Variants in PXN observed in about 807,000 individuals in gnomAD.
The protein encoded by PXN is paxillin, also known as testicular tissue protein Li 134.
PXN carries 61 observed loss-of-function variants against 103.6 expected under a neutral mutation model. The ratio of observed to expected loss-of-function variants is 0.59; its 90% CI spans 0.48 to 0.73. The LOEUF is 0.73. Among genes scored for constraint, PXN ranks in the 30% least tolerant of loss-of-function variants. PXN has a pLI of 0.00. For synonymous variants in PXN, 562 were observed against 607.8 expected, an observed-to-expected ratio of 0.92 and a Z score of 1.11; for missense variants, 1,274 against 1,460.3, an observed-to-expected ratio of 0.87 and a Z score of 2.08.
At position 120,228,690 on chromosome 12, in the gene PXN, AGGTAGCCT is replaced by A. The variant is rs1414645436; in HGVS notation, c.14-4321_14-4314del. 6.6e-6 allele frequency among the ~76,000 whole-genome samples: 1 copy of A among 152,228 alleles called. No individual in the cohort carries two copies. Among genetic ancestry groups the A allele is most frequent in the African/African-American group, 2.4e-5 (1 of 41,458 alleles). ...CACAGCAAGCTAGTGGGAGGAACAC[AGGTAGCCT>A]GGTATCACTTGAAGGCACAACCCAA... is the stretch of plus-strand genomic sequence containing the variant. On this transcript the variant is annotated intron_variant, in intron 1 of 14. Transcript: ENST00000637617. This position sits in a 1 kb window ranked among gnomAD's most constrained non-coding sequence, Gnocchi z 4.7.
intron 1 of PXN, among the ~76,000 whole-genome samples, chr12:120,251,330 G>A (rs550399220): frequency 1.3e-3 from 197 of 149,798 alleles, no homozygotes; most frequent in Non-Finnish European, 2.2e-3. Flanking sequence ...CCAGCCTGGC[G>A]AACATGGTGA....
chr12:120,215,670 G>A lies in PXN; in HGVS notation c.2302-9C>T. The A allele has an allele frequency of 6.3e-7, 1 of 1,598,238 alleles. No individual in the cohort carries two copies. The highest frequency in any genetic ancestry group is 1.1e-5 in the South Asian group (1 of 89,212). ...TGCTCCAGGCCCTGGATCTTAGATA[G>A]GGGAAGAGATGAGGGTAAGAAATCT... On this transcript the variant is annotated splice_polypyrimidine_tract_variant and intron_variant, in intron 9 of 14. Transcript: ENST00000637617. The surrounding 1 kb of genome is among the most constrained non-coding windows in gnomAD (Gnocchi z 4.9).
Position 120,221,473 on chromosome 12 carries a change from AGCAAGGCCAGGGCATGACAGT to A in PXN, c.831+129_831+149del. 1.1e-6 allele frequency: 1 copy of A among 875,010 alleles called. No homozygotes were observed. The highest frequency in any genetic ancestry group is 1.7e-6 in the Non-Finnish European group (1 of 598,064). 54.2% of individuals were successfully genotyped at this position (875,010 alleles called of 1,614,324 possible). On this transcript the variant is annotated intron_variant, in intron 6 of 14. Transcript: ENST00000637617. The surrounding 1 kb of genome is among the most constrained non-coding windows in gnomAD (Gnocchi z 6.6). Reference sequence around the variant, plus strand: ...CTCCCTCCCCATCTCCTGGCATCACAGCAAGGCCAGGGCATGACAGTGTCCCTGGCTCAGGGGCAAGGCACC... The same window carrying A: ...CTCCCTCCCCATCTCCTGGCATCACAGTCCCTGGCTCAGGGGCAAGGCACC...
chr12:120,239,842 G>A (rs1303253027), intron 1 of PXN, among the ~76,000 whole-genome samples: 1 of 151,980 alleles, frequency 6.6e-6, no homozygotes, highest in Non-Finnish European at 1.5e-5. Flanking sequence ...CAGGATTTCT[G>A]GCTTCCCAGG....
chr12:120,242,886 A>G (rs1384590181), intron 1 of PXN, among the ~76,000 whole-genome samples: 1 of 151,766 alleles, frequency 6.6e-6, no homozygotes, highest in African/African-American at 2.4e-5. Context: ...GGCTTTAAAA[A>G]AAAAAAAAAA....
chr12:120,232,451 G>A (rs1293285957), intron 1 of PXN, among the ~76,000 whole-genome samples: 1 of 152,120 alleles, frequency 6.6e-6, no homozygotes, highest in Non-Finnish European at 1.5e-5. Context: ...TCTTTAGGTC[G>A]CCCAGAGATG....
rs368740097 is a variant in PXN at position 120,215,007 on chromosome 12, G to A, written c.2575-9C>T. The A allele has an allele frequency of 5.0e-6, 8 of 1,612,376 alleles. No individual in the cohort carries two copies. Among genetic ancestry groups the A allele is most frequent in the African/African-American group, 4.0e-5 (3 of 75,006 alleles). ...CCCATGGCGGTCACAACCTGAGGAG[G>A]AGATGGAATGCGGTCCAGGGCCAAG... is the stretch of plus-strand genomic sequence containing the variant. On this transcript the variant is annotated splice_polypyrimidine_tract_variant and intron_variant, in intron 11 of 14. Coordinates refer to ENST00000637617, the MANE Select transcript of PXN (RefSeq NM_001385981.1). The surrounding 1 kb of genome is among the most constrained non-coding windows in gnomAD (Gnocchi z 4.9).
At position 120,219,151 on chromosome 12, in the gene PXN, C is replaced by T. The variant is rs1884228709; in HGVS notation, c.1716+56G>A. 2.1e-6 allele frequency: 3 copies of T among 1,453,038 alleles called. No homozygotes were observed. The highest frequency in any genetic ancestry group is 2.8e-5 in the African/African-American group (2 of 70,736). The allele number at this position is 1,453,038 out of a possible 1,614,324, so 90.0% of individuals were successfully genotyped here. On this transcript the variant is annotated intron_variant, in intron 7 of 14. Transcript: ENST00000637617. This position sits in a 1 kb window ranked among gnomAD's most constrained non-coding sequence, Gnocchi z 6.5. ...GCTGCATGCAGTTAGCGAGGAGCGGCCCACACTCAGACCCGCCAATGGCCA... is the reference window on the plus strand; with the variant it reads ...GCTGCATGCAGTTAGCGAGGAGCGGTCCACACTCAGACCCGCCAATGGCCA...
intron 1 of PXN, among the ~76,000 whole-genome samples, chr12:120,260,103 A>G (rs941004571): frequency 6.6e-6 from 1 of 152,164 alleles, no homozygotes; most frequent in African/African-American, 2.4e-5. Context: ...GCTCTGTCTC[A>G]AGAGTAACAG....
At chr12:120,254,559 T>G (rs1892707764) in intron 1 of PXN, among the ~76,000 whole-genome samples, 2 of 152,132 alleles carry the variant, frequency 1.3e-5, no homozygotes, top group Non-Finnish European at 2.9e-5. Context: ...GTTTTTGTTT[T>G]GTTTTTTTTG....
intron 1 of PXN, among the ~76,000 whole-genome samples, chr12:120,245,435 A>G (rs908254625): frequency 2.0e-5 from 3 of 147,600 alleles, no homozygotes; most frequent in Admixed American, 1.4e-4. Flanking sequence ...GGAGGGGAAG[A>G]AAAAAAAAAA....
At chr12:120,242,742 G>A (rs578254898) in intron 1 of PXN, among the ~76,000 whole-genome samples, 33 of 152,232 alleles carry the variant, frequency 2.2e-4, no homozygotes, top group Admixed American at 3.3e-4. Flanking sequence ...AAAAATTGGT[G>A]TGGTGGTACA....
At chr12:120,242,846 A>G (rs2136525243) in intron 1 of PXN, among the ~76,000 whole-genome samples, 1 of 150,484 alleles carries the variant, frequency 6.6e-6, no homozygotes, top group East Asian at 2.0e-4. Flanking sequence ...ATGCCACTGC[A>G]CTCCAGCCTG....
chr12:120,226,246 A>T (rs996288061), intron 1 of PXN: 1 of 1,280,440 alleles, frequency 7.8e-7, no homozygotes, highest in Non-Finnish European at 1.0e-6. Context: ...AGGGCCAGCT[A>T]AGAAACCCCA....
At position 120,215,253 on chromosome 12, in the gene PXN, T is replaced by C. The variant is rs1179781832; in HGVS notation, c.2424A>G (p.Thr808=). 3 of 1,586,990 alleles carry C rather than the reference T, an allele frequency of 1.9e-6. No individual in the cohort carries two copies. The highest frequency in any genetic ancestry group is 2.7e-5 in the African/African-American group (2 of 74,248). Residue 808 remains threonine, a synonymous_variant, in exon 11 of 15, where the codon ACA becomes ACG. Coordinates refer to ENST00000637617, the MANE Select transcript of PXN (RefSeq NM_001385981.1). The surrounding 1 kb of genome is among the most constrained non-coding windows in gnomAD (Gnocchi z 4.9). The part of the protein sequence containing the change: ...DEGGFMAQGK[T]GSSSPPGGPP... The stretch of plus-strand genomic sequence containing the variant: ...GCCCCCCAGGGGGTGAGCTGCTCCC[T>C]GTCTTCCCCTGGGCCATGAACTGTG...
At position 120,237,148 on chromosome 12, in the gene PXN, T is replaced by TACAC. The variant is rs201905149; in HGVS notation, c.14-12775_14-12772dup. 3.1e-3 allele frequency among the ~76,000 whole-genome samples: 424 copies of TACAC among 137,624 alleles called. 2 individuals carry two copies. Among genetic ancestry groups the TACAC allele is most frequent in the African/African-American group, 6.8e-3 (246 of 36,432 alleles). The allele number at this position is 137,624 out of a possible 152,430, so 90.3% of individuals were successfully genotyped here. On this transcript the variant is annotated intron_variant, in intron 1 of 14. Coordinates refer to ENST00000637617, the MANE Select transcript of PXN (RefSeq NM_001385981.1). Reference sequence around the variant, plus strand: ...GTACGTGTGTGTGTGTGTGTGTGTATACACACACACACACACACACACACA... The same window carrying TACAC: ...GTACGTGTGTGTGTGTGTGTGTGTATACACACACACACACACACACACACACACA...
chr12:120,246,628 G>A, intron 1 of PXN, among the ~76,000 whole-genome samples: 1 of 151,974 alleles, frequency 6.6e-6, no homozygotes, highest in East Asian at 1.9e-4. Flanking sequence ...GCTGAGGCAG[G>A]CAGATCGTGA....
At position 120,215,120 on chromosome 12, in the gene PXN, T is replaced by G; in HGVS notation, c.2557A>C (p.Lys853Gln). ...CTCATCACCTGCCCGGCGATGGGCT[T>G]CTTGCAGGCCCCGCAGACTCCTTTG... ...VAKGVCGACKKPIAGQVVTAM... is the reference protein window; with the variant it reads ...VAKGVCGACKQPIAGQVVTAM... Residue 853 changes from lysine to glutamine, a missense_variant, in exon 11 of 15, where the codon AAG (lysine) becomes CAG (glutamine). Lys to Gln is a moderately conservative substitution (Grantham distance 53). Coordinates refer to ENST00000637617, the MANE Select transcript of PXN (RefSeq NM_001385981.1). The surrounding 1 kb of genome is among the most constrained non-coding windows in gnomAD (Gnocchi z 4.9). The G allele has an allele frequency of 1.3e-6, 2 of 1,576,576 alleles. No homozygotes were observed. Among genetic ancestry groups the G allele is most frequent in the Non-Finnish European group, 1.7e-6 (2 of 1,158,916 alleles).
intron 1 of PXN, among the ~76,000 whole-genome samples, chr12:120,233,140 C>T (rs1380052350): frequency 6.6e-6 from 1 of 152,212 alleles, no homozygotes; most frequent in Non-Finnish European, 1.5e-5. Flanking sequence ...GCCCTGGGTT[C>T]TCCCAATCTA....
Sources: allele counts gnomAD v4.1 joint callset (sites outside exome capture counted in the v4.1 genomes callset), GRCh38; gene constraint gnomAD v4.1.1; non-coding constraint Gnocchi (gnomAD v3.1); transcripts MANE v1.5; gene names NCBI Gene and HGNC (gene_info 2026-07-23, HGNC 2026-07-21).